LYPLAL1: variants seen among roughly 807,000 people sequenced by gnomAD.
LYPLAL1 encodes lysophospholipase like 1, also known as lysophospholipase-like protein 1.
Under a neutral mutation model 19.7 loss-of-function variants are expected in LYPLAL1, and 23 were observed. The observed-to-expected ratio is 1.17, with a 90% CI of 0.84 to 1.65. The LOEUF is 1.65. Among genes scored for constraint, LYPLAL1 ranks in the 40% most tolerant of loss-of-function variants. The pLI is 0.00. For missense variants in LYPLAL1, 355 were observed against 279.4 expected (o/e 1.27, Z -1.93); for synonymous variants, 119 against 96.3 (o/e 1.24, Z -1.38).
chr1:219,373,735 G>A, the LYPLAL1 span, among the ~76,000 whole-genome samples: 1 of 152,000 alleles, frequency 6.6e-6, no homozygotes, highest in Non-Finnish European at 1.5e-5. Context: ...TTATAGCGAA[G>A]TACAGCACTC....
the LYPLAL1 span, among the ~76,000 whole-genome samples, chr1:219,250,410 A>G: frequency 6.6e-5 from 10 of 152,028 alleles, no homozygotes; most frequent in Non-Finnish European, 1.2e-4. Flanking sequence ...TCATTTTATA[A>G]TAAGTCTTGA....
At chr1:219,175,718 CCTTATTGGGAGTAGGT>C (rs756024118) in intron 1 of LYPLAL1, among the ~76,000 whole-genome samples, 5 of 152,048 alleles carry the variant, frequency 3.3e-5, no homozygotes, top group Non-Finnish European at 5.9e-5. Flanking sequence ...GTAAATAAAA[CCTTATTGGGAGTAGGT>C]CTTTATCATC....
the LYPLAL1 span, among the ~76,000 whole-genome samples, chr1:219,301,342 A>G: frequency 6.6e-6 from 1 of 152,246 alleles, no homozygotes; most frequent in South Asian, 2.1e-4. Context: ...GGTGAAGCTC[A>G]TGTCTGACAT....
chr1:219,303,306 T>C, the LYPLAL1 span, among the ~76,000 whole-genome samples: 1 of 152,254 alleles, frequency 6.6e-6, no homozygotes, highest in Non-Finnish European at 1.5e-5. Context: ...TTTGCTTTCA[T>C]GGATTATCTT....
At chr1:219,350,279 G>A in the LYPLAL1 span, among the ~76,000 whole-genome samples, 1 of 152,046 alleles carries the variant, frequency 6.6e-6, no homozygotes, top group Non-Finnish European at 1.5e-5. Flanking sequence ...AGTTCTACAA[G>A]GTTGTTATTT....
chr1:219,308,052 T>C, the LYPLAL1 span, among the ~76,000 whole-genome samples: 4 of 152,282 alleles, frequency 2.6e-5, no homozygotes, highest in African/African-American at 9.6e-5. Flanking sequence ...ATATGGACAA[T>C]GAAATCCAGG....
the LYPLAL1 span, among the ~76,000 whole-genome samples, chr1:219,240,380 T>TTTGGTCCAAAA: frequency 6.6e-6 from 1 of 152,312 alleles, no homozygotes; most frequent in Non-Finnish European, 1.5e-5. Flanking sequence ...GACCTAGGGT[T>TTTGGTCCAAAA]TTATATAATT....
At chr1:219,290,803 G>A in the LYPLAL1 span, among the ~76,000 whole-genome samples, 7 of 152,186 alleles carry the variant, frequency 4.6e-5, no homozygotes, top group South Asian at 1.5e-3. Flanking sequence ...AACATAACTT[G>A]TGACCATACC....
chr1:219,434,176 G>C, the LYPLAL1 span, among the ~76,000 whole-genome samples: 10 of 152,140 alleles, frequency 6.6e-5, no homozygotes, highest in Admixed American at 5.9e-4. Flanking sequence ...AATTAAAATA[G>C]AGTATTGCTG....
Position 219,179,174 on chromosome 1 carries a change from G to C in LYPLAL1, c.119G>C (p.Trp40Ser), listed in dbSNP as rs374200985. 3.1e-6 allele frequency: 5 copies of C among 1,611,776 alleles called. No individual in the cohort carries two copies. The African/African-American group carries it at 6.7e-5, about 22-fold the overall frequency. Reference protein sequence around the residue: ...SGDSGQGLRMWIKQVLNQDLT... With the variant: ...SGDSGQGLRMSIKQVLNQDLT... ...GATTCTGGACAAGGATTAAGAATGT[G>C]GATCAAGCAGGTTTTAAATCAAGAT... The change falls in exon 2 of 5, where the codon TGG becomes TCG. Residue 40 changes from tryptophan (W) to serine (S), a missense_variant. Coordinates refer to ENST00000366928, the MANE Select transcript of LYPLAL1 (RefSeq NM_138794.5).
chr1:219,291,434 C>A, the LYPLAL1 span, among the ~76,000 whole-genome samples: 2 of 152,102 alleles, frequency 1.3e-5, no homozygotes, highest in African/African-American at 4.8e-5. Flanking sequence ...AGCTTTGAAT[C>A]TTCTCTACAA....
chr1:219,294,003 C>A, the LYPLAL1 span, among the ~76,000 whole-genome samples: 1 of 152,206 alleles, frequency 6.6e-6, no homozygotes, highest in African/African-American at 2.4e-5. Context: ...GGGAAACATC[C>A]AAATTGCAGA....
the LYPLAL1 span, among the ~76,000 whole-genome samples, chr1:219,260,150 G>A: frequency 6.6e-6 from 1 of 151,940 alleles, no homozygotes; most frequent in Non-Finnish European, 1.5e-5. Context: ...TAAAGGTTAA[G>A]ATGGAAGTAA....
At chr1:219,217,989 A>G in the LYPLAL1 span, among the ~76,000 whole-genome samples, 2 of 151,938 alleles carry the variant, frequency 1.3e-5, no homozygotes, top group East Asian at 3.9e-4. Context: ...TTCATTTTTT[A>G]TTATATAGTT....
At chr1:219,343,782 G>C in the LYPLAL1 span, among the ~76,000 whole-genome samples, 1 of 152,038 alleles carries the variant, frequency 6.6e-6, no homozygotes, top group African/African-American at 2.4e-5. Context: ...CTCATCTAGT[G>C]ATCTCACCTT....
the LYPLAL1 span, among the ~76,000 whole-genome samples, chr1:219,339,644 G>T: frequency 6.6e-6 from 1 of 151,950 alleles, no homozygotes; most frequent in African/African-American, 2.4e-5. Flanking sequence ...TTTAGCAATG[G>T]GTATCACTTG....
chr1:219,196,728 A>G (rs1265673268), intron 3 of LYPLAL1, among the ~76,000 whole-genome samples: 1 of 152,220 alleles, frequency 6.6e-6, no homozygotes, highest in African/African-American at 2.4e-5. Context: ...TGCAAATGAC[A>G]TGATCCAATA....
the LYPLAL1 span, among the ~76,000 whole-genome samples, chr1:219,441,378 AG>A: frequency 6.6e-6 from 1 of 152,246 alleles, no homozygotes. Flanking sequence ...AGATGAAATA[AG>A]ATGAGGCCCG....
the LYPLAL1 span, among the ~76,000 whole-genome samples, chr1:219,276,122 A>G: frequency 6.6e-6 from 1 of 152,174 alleles, no homozygotes; most frequent in Non-Finnish European, 1.5e-5. Context: ...GGTAATTTCC[A>G]AATCAATTTG....
Sources: allele counts gnomAD v4.1 joint callset (sites outside exome capture counted in the v4.1 genomes callset), GRCh38; gene constraint gnomAD v4.1.1; transcripts MANE v1.5; gene names NCBI Gene and HGNC (gene_info 2026-07-23, HGNC 2026-07-21).